The following CCR1 variants were observed in gnomAD, a reference collection of about 807,000 sequenced individuals.
The protein encoded by CCR1 is C-C motif chemokine receptor 1.
CCR1 carries 1 observed loss-of-function variant against 0.3 expected under a neutral mutation model. That is an observed-to-expected ratio of 3.70 (90% confidence interval 1.31 to 17.54). The LOEUF (loss-of-function observed/expected upper bound fraction) is 17.54, where lower values mean the gene tolerates loss of function less well. Among genes scored for constraint, CCR1 ranks in the 30% most tolerant of loss-of-function variants. CCR1 has a pLI of 0.11. For synonymous variants in CCR1, 207 were observed against 182.5 expected (o/e 1.13, Z -1.08); for missense variants, 349 against 435.4 (o/e 0.80, Z 1.77).
intron 1 of CCR1, among the ~76,000 whole-genome samples, chr3:46,206,523 G>A (rs1315156480): frequency 6.6e-6 from 1 of 152,222 alleles, no homozygotes; most frequent in African/African-American, 2.4e-5. Flanking sequence ...GTGGAAGTAT[G>A]CAAATAGCTT....
chr3:46,203,738 T>C lies in CCR1; in HGVS notation c.576A>G (p.Leu192=), dbSNP rs751021323. The change falls in exon 2 of 2, where the codon CTA becomes CTG. Residue 192 remains leucine, a synonymous_variant. Transcript: ENST00000296140. The surrounding 1 kb of genome is among the most constrained non-coding windows in gnomAD (Gnocchi z 4.5). ...GAGCCTGAAACAGCTTCCACTCTCG[T>C]AGGCTTTCGTGAGGAAAGTGAAGGC... ...TCSLHFPHES[L]REWKLFQALK... 1.9e-6 allele frequency: 3 copies of C among 1,614,150 alleles called. No individual in the cohort carries two copies. Among genetic ancestry groups the C allele is most frequent in the Non-Finnish European group, 2.5e-6 (3 of 1,180,014 alleles).
Position 46,204,024 on chromosome 3 carries a change from T to C in CCR1, c.290A>G (p.Asp97Gly). ...CATGGCATCACCAAAAACCCAGTCATCCTTCAACTTGTAGTCGATCCAGAA... is the reference window on the plus strand; with the variant it reads ...CATGGCATCACCAAAAACCCAGTCACCCTTCAACTTGTAGTCGATCCAGAA... The part of the protein sequence containing the change: ...LPFWIDYKLK[D>G]DWVFGDAMCK... Residue 97 changes from aspartate to glycine, a missense_variant, in exon 2 of 2, where the codon GAT becomes GGT. Physicochemically the swap from Asp to Gly is moderately conservative, Grantham distance 94. Transcript: ENST00000296140. 1.2e-6 allele frequency: 2 copies of C among 1,614,154 alleles called. No individual in the cohort carries two copies. The highest frequency in any genetic ancestry group is 8.5e-7 in the Non-Finnish European group (1 of 1,180,024).
In CCR1 at chr3:46,202,550, T is replaced by C. The variant is rs1050949699; in HGVS notation, c.*696A>G. ...TGTTTGATTTTAGTGGATATAAAAA[T>C]TCTTCCTAAGGGCTTTCTTAGTTCC... is the stretch of plus-strand genomic sequence containing the variant. On this transcript the variant is annotated 3_prime_UTR_variant, in exon 2 of 2. Transcript: ENST00000296140. The C allele has an allele frequency of 5.3e-5, 8 of 152,158 alleles. No individual in the cohort carries two copies. Among genetic ancestry groups the C allele is most frequent in the African/African-American group, 1.9e-4 (8 of 41,410 alleles). The allele number at this position is 152,158 out of a possible 1,614,324, so 9.4% of individuals were successfully genotyped here.
rs951216689 is a variant in CCR1, at chr3:46,203,576, G to A, written c.738C>T (p.Ile246=). The change falls in exon 2 of 2, where the codon ATC becomes ATT. Residue 246 remains isoleucine, a synonymous_variant. Transcript: ENST00000296140. The surrounding 1 kb of genome is among the most constrained non-coding windows in gnomAD (Gnocchi z 4.5). ...AGGGGGTCCAAAAGAGAAAAAAGATGATCATGATGACAAAAATCAAACGGA... is the reference window on the plus strand; with the variant it reads ...AGGGGGTCCAAAAGAGAAAAAAGATAATCATGATGACAAAAATCAAACGGA... ...KAVRLIFVIM[I]IFFLFWTPYN... The A allele has an allele frequency of 3.7e-6, 6 of 1,614,046 alleles. No homozygotes were observed. The Admixed American group carries it at 5.0e-5, about 13-fold the overall frequency.
At position 46,201,746 on chromosome 3, in the gene CCR1, C is replaced by T. The variant is rs1699597398; in HGVS notation, c.*1500G>A. ...TGATTTATTCACCTGGGAAAGTGAT[C>T]ACAACTTGCTGCTAATTAAAACCAA... On this transcript the variant is annotated 3_prime_UTR_variant, in exon 2 of 2. Coordinates refer to ENST00000296140, the MANE Select transcript of CCR1 (RefSeq NM_001295.3). The T allele has an allele frequency of 1.3e-5, 2 of 152,194 alleles. No homozygotes were observed. Among genetic ancestry groups the T allele is most frequent in the African/African-American group, 4.8e-5 (2 of 41,438 alleles). 9.4% of individuals were successfully genotyped at this position (152,194 alleles called of 1,614,324 possible).
intron 1 of CCR1, among the ~76,000 whole-genome samples, chr3:46,204,832 C>T (rs1699633129): frequency 6.6e-6 from 1 of 152,220 alleles, no homozygotes; most frequent in Non-Finnish European, 1.5e-5. Flanking sequence ...TCCAACCCAG[C>T]TGTGCATCAT....
chr3:46,203,747 G>A lies in CCR1; in HGVS notation c.567C>T (p.His189=), dbSNP rs200236244. ...ACAGCTTCCACTCTCGTAGGCTTTC[G>A]TGAGGAAAGTGAAGGCTGCAGGTGT... The part of the protein sequence containing the change: ...THHTCSLHFP[H]ESLREWKLFQ... The change falls in exon 2 of 2, where the codon CAC becomes CAT. Residue 189 remains histidine (H), a synonymous_variant. Coordinates refer to ENST00000296140, the MANE Select transcript of CCR1 (RefSeq NM_001295.3). This position sits in a 1 kb window ranked among gnomAD's most constrained non-coding sequence, Gnocchi z 4.5. 1.7e-5 allele frequency: 28 copies of A among 1,614,042 alleles called. No individual in the cohort carries two copies. Among genetic ancestry groups the A allele is most frequent in the Middle Eastern group, 3.3e-4 (2 of 6,084 alleles).
chr3:46,206,065 C>T (rs753913419), intron 1 of CCR1, among the ~76,000 whole-genome samples: 3 of 152,142 alleles, frequency 2.0e-5, no homozygotes, highest in East Asian at 1.9e-4. Context: ...AATCTATTGC[C>T]GCCAATCTAA....
chr3:46,206,817 T>A (rs1433325796), intron 1 of CCR1, among the ~76,000 whole-genome samples: 1 of 152,130 alleles, frequency 6.6e-6, no homozygotes, highest in Non-Finnish European at 1.5e-5. Context: ...AGCCCTGCTG[T>A]AGTCTACTGC....
chr3:46,202,662 C>G lies in CCR1; in HGVS notation c.*584G>C, dbSNP rs1699606644. 1 of 152,110 alleles carries G rather than the reference C, an allele frequency of 6.6e-6. No homozygotes were observed. The allele number at this position is 152,110 out of a possible 1,614,324, so 9.4% of individuals were successfully genotyped here. ...TCTATGTTCCCCAGGATTCCAAGAGCCCAAATCCTGCGGTGGGAGTGAAGG... is the reference window on the plus strand; with the variant it reads ...TCTATGTTCCCCAGGATTCCAAGAGGCCAAATCCTGCGGTGGGAGTGAAGG... On this transcript the variant is annotated 3_prime_UTR_variant, in exon 2 of 2. Coordinates refer to ENST00000296140, the MANE Select transcript of CCR1 (RefSeq NM_001295.3).
rs1341200338 is a variant in CCR1 at position 46,205,339 on chromosome 3, TG to T, written c.-11-1016del. ...GCAGGCAGAGAAGGGGGAGGTAACC[TG>T]GTCAGAAAAAGAGAAAACTGGGCAT... On this transcript the variant is annotated intron_variant, in intron 1 of 1. Transcript: ENST00000296140. 5.9e-5 allele frequency among the ~76,000 whole-genome samples: 9 copies of T among 152,170 alleles called. No homozygotes were observed. The South Asian group carries it at 1.7e-3, about 28-fold the overall frequency.
In CCR1 at chr3:46,203,266, C is replaced by G. The variant is rs1356602813; in HGVS notation, c.1048G>C (p.Glu350Gln). Residue 350 changes from glutamate (E) to glutamine (Q), a missense_variant, in exon 2 of 2, where the codon GAA becomes CAA. Glu to Gln is a conservative substitution (Grantham distance 29). Transcript: ENST00000296140. This position sits in a 1 kb window ranked among gnomAD's most constrained non-coding sequence, Gnocchi z 4.5. Reference sequence around the variant, plus strand: ...CTGAGTCAGAACCCAGCAGAGAGTTCATGCTCCCCTGTGGAGGGAGATGTG... The same window carrying G: ...CTGAGTCAGAACCCAGCAGAGAGTTGATGCTCCCCTGTGGAGGGAGATGTG... ...SSTSPSTGEH[E>Q]LSAGF The G allele has an allele frequency of 6.2e-6, 10 of 1,613,398 alleles. No individual in the cohort carries two copies. Among genetic ancestry groups the G allele is most frequent in the Non-Finnish European group, 5.9e-6 (7 of 1,179,628 alleles).
chr3:46,204,366 T>C (rs1462344342), intron 1 of CCR1, 42 bp from the exon 2 acceptor site: 6 of 1,300,350 alleles, frequency 4.6e-6, no homozygotes, highest in Non-Finnish European at 6.3e-6. Flanking sequence ...TTTACTCTGC[T>C]ACTAAAGGCA....
intron 1 of CCR1, among the ~76,000 whole-genome samples, chr3:46,207,907 TGGG>T (rs746177690): frequency 8.5e-5 from 13 of 152,212 alleles, no homozygotes; most frequent in Non-Finnish European, 1.3e-4. Context: ...CCCAAAGTGC[TGGG>T]ATTACAGCCG....
rs1438272802 is a variant in CCR1 at position 46,204,324 on chromosome 3, C to A, written c.-11G>T. ...GTTTGGAGTTTCCATCCCGGCTTCT[C>A]CTACAGGTTAAAAAAAAAAAAAAGA... is the stretch of plus-strand genomic sequence containing the variant. On this transcript the variant is annotated splice_region_variant and 5_prime_UTR_variant, in exon 2 of 2. Coordinates refer to ENST00000296140, the MANE Select transcript of CCR1 (RefSeq NM_001295.3). 5.3e-6 allele frequency: 8 copies of A among 1,520,218 alleles called. No homozygotes were observed. In the South Asian group the frequency reaches 1.0e-4, roughly 20 times the overall value. The allele number at this position is 1,520,218 out of a possible 1,614,324, so 94.2% of individuals were successfully genotyped here.
intron 1 of CCR1, among the ~76,000 whole-genome samples, chr3:46,205,901 C>T (rs896622741): frequency 3.3e-5 from 5 of 152,132 alleles, no homozygotes; most frequent in African/African-American, 4.8e-5. Context: ...CCAGCACATC[C>T]CAGGCACCAA....
Position 46,203,828 on chromosome 3 carries a change from G to A in CCR1, c.486C>T (p.Ile162=), listed in dbSNP as rs765769577. 1.9e-6 allele frequency: 3 copies of A among 1,614,234 alleles called. No individual in the cohort carries two copies. The highest frequency in any genetic ancestry group is 1.7e-6 in the Non-Finnish European group (2 of 1,180,048). ...AGTATAAGCCTGGCATGGAAGCCAA[G>A]ATGGCCAGGGCCCAAATGATGATGC... ...ITSIIIWALA[I]LASMPGLYFS... The change falls in exon 2 of 2, where the codon ATC becomes ATT. Residue 162 remains isoleucine, a synonymous_variant. Coordinates refer to ENST00000296140, the MANE Select transcript of CCR1 (RefSeq NM_001295.3). This position sits in a 1 kb window ranked among gnomAD's most constrained non-coding sequence, Gnocchi z 4.5.
At chr3:46,204,360 C>T (rs200361983) in intron 1 of CCR1, 36 bp from the exon 2 acceptor site, 17 of 1,347,008 alleles carry the variant, frequency 1.3e-5, no homozygotes, top group Non-Finnish European at 1.7e-5. Flanking sequence ...TTTGTCTTTA[C>T]TCTGCTACTA....
At chr3:46,207,247 T>A (rs897624354) in intron 1 of CCR1, among the ~76,000 whole-genome samples, 1 of 152,192 alleles carries the variant, frequency 6.6e-6, no homozygotes, top group African/African-American at 2.4e-5. Context: ...GAGTGGCACA[T>A]AGCCTGGTGC....
Sources: allele counts gnomAD v4.1 joint callset (sites outside exome capture counted in the v4.1 genomes callset), GRCh38; gene constraint gnomAD v4.1.1; non-coding constraint Gnocchi (gnomAD v3.1); transcripts MANE v1.5; gene names NCBI Gene and HGNC (gene_info 2026-07-23, HGNC 2026-07-21).